Variants in PALD1 observed in about 807,000 individuals in gnomAD.
The protein encoded by PALD1 is phosphatase domain containing paladin 1, also known as paladin.
In PALD1, 57 loss-of-function variants were observed where a neutral mutation model predicts 96.0. The ratio of observed to expected loss-of-function variants is 0.59; its 90% confidence interval spans 0.48 to 0.74. The LOEUF is 0.74. Ranked by LOEUF, PALD1 falls within the 30% of genes least tolerant of loss-of-function variation. PALD1 has a pLI of 0.00. For missense variants in PALD1, 1,063 were observed against 1,143.7 expected (o/e 0.93, Z 1.02); for synonymous variants, 464 against 473.6 (o/e 0.98, Z 0.26).
intron 1 of PALD1, among the ~76,000 whole-genome samples, chr10:70,502,259 CAT>C (rs1448225993): frequency 6.6e-6 from 1 of 152,182 alleles, no homozygotes; most frequent in Non-Finnish European, 1.5e-5. Context: ...TAAATGGAAT[CAT>C]GTAGTATTTG....
chr10:70,501,873 A>C (rs192043048), intron 1 of PALD1, among the ~76,000 whole-genome samples: 2 of 144,454 alleles, frequency 1.4e-5, no homozygotes, highest in Admixed American at 7.1e-5. Flanking sequence ...GCACATTTGT[A>C]TACAAGAGGC....
chr10:70,512,536 T>C (rs1846534194), intron 1 of PALD1, among the ~76,000 whole-genome samples: 1 of 152,218 alleles, frequency 6.6e-6, no homozygotes, highest in African/African-American at 2.4e-5. Context: ...GACCTCTTCT[T>C]AGTGTGGTCA....
At position 70,539,852 on chromosome 10, in the gene PALD1, AC is replaced by A; in HGVS notation, c.1908+94del. On this transcript the variant is annotated intron_variant, in intron 15 of 19. Transcript: ENST00000263563. The surrounding 1 kb of genome is among the most constrained non-coding windows in gnomAD (Gnocchi z 4.5). ...GTCTGGGCTCTGGGAGAATGAAACG[AC>A]CCCAGCTTCTCTACGGGGCCCGGGA... The A allele has an allele frequency of 8.5e-7, 1 of 1,172,874 alleles. No individual in the cohort carries two copies. Among genetic ancestry groups the A allele is most frequent in the Non-Finnish European group, 1.2e-6 (1 of 832,046 alleles). The allele number at this position is 1,172,874 out of a possible 1,614,324, so 72.7% of individuals were successfully genotyped here. A position where few individuals can be genotyped will look rare whatever the true frequency, so the allele number is the denominator to read the frequency against.
At chr10:70,517,123 A>G (rs1006647033) in intron 1 of PALD1, among the ~76,000 whole-genome samples, 19 of 152,154 alleles carry the variant, frequency 1.2e-4, no homozygotes, top group African/African-American at 3.9e-4. Flanking sequence ...CAACTACCCC[A>G]TGAAGGAGGT....
At chr10:70,464,751 G>A in the PALD1 span, among the ~76,000 whole-genome samples, 46 of 148,350 alleles carry the variant, frequency 3.1e-4, 1 homozygote, top group South Asian at 9.9e-3. Flanking sequence ...TCAGCCTCCC[G>A]AGCAGCTGGT....
intron 1 of PALD1, among the ~76,000 whole-genome samples, chr10:70,496,939 A>G (rs1231652949): frequency 2.6e-5 from 4 of 151,712 alleles, no homozygotes; most frequent in Admixed American, 2.6e-4. Flanking sequence ...ACAACCTCCC[A>G]CTCCCAGCTG....
Position 70,534,750 on chromosome 10 carries a change from C to T in PALD1, c.1134C>T (p.Ala378=), listed in dbSNP as rs1433932905. The T allele has an allele frequency of 1.2e-6, 2 of 1,608,962 alleles. No individual in the cohort carries two copies. Among genetic ancestry groups the T allele is most frequent in the Admixed American group, 1.7e-5 (1 of 59,590 alleles). ...GTCTCTGGCACCAGGTGGACAGAGC[C>T]ATCACTGCCTGTGCCGAGTTGCATG... ...GRRMVEEVDR[A]ITACAELHDL... Residue 378 remains alanine (A), a synonymous_variant, in exon 10 of 20, where the codon GCC becomes GCT. Transcript: ENST00000263563.
chr10:70,535,520 T>TTCCTCCTTCCTCCTCTTCTTTCCTCC, intron 10 of PALD1, among the ~76,000 whole-genome samples: 1 of 136,376 alleles, frequency 7.3e-6, no homozygotes, highest in Non-Finnish European at 1.6e-5. Context: ...TCTCCGCCTC[T>TTCCTCCTTCCTCCTCTTCTTTCCTCC]TCCTCCTTCC....
rs1185708050 is a variant in PALD1, at chr10:70,511,895, CG to C, written c.-29-14025del. 2.0e-5 allele frequency among the ~76,000 whole-genome samples: 3 copies of C among 151,834 alleles called. No homozygotes were observed. The East Asian group carries it at 5.8e-4, about 29-fold the overall frequency. On this transcript the variant is annotated intron_variant, in intron 1 of 19. Transcript: ENST00000263563. ...TACAAAAATTAGCCGGGTGTGGTGG[CG>C]GGTGCCTGTAGTCCCAGCTACTCGG...
chr10:70,482,533 C>T (rs533690339), intron 1 of PALD1, among the ~76,000 whole-genome samples: 13 of 152,248 alleles, frequency 8.5e-5, no homozygotes, highest in South Asian at 2.1e-4. Context: ...GGCTGGGACC[C>T]GGGGAAAGAG....
chr10:70,520,956 T>G (rs945936943), intron 1 of PALD1, among the ~76,000 whole-genome samples: 2 of 152,060 alleles, frequency 1.3e-5, no homozygotes, highest in Non-Finnish European at 2.9e-5. Flanking sequence ...CCTCCCAAAA[T>G]GCTGGGATTA....
chr10:70,537,489 C>G (rs533425391), intron 10 of PALD1, among the ~76,000 whole-genome samples: 4 of 152,226 alleles, frequency 2.6e-5, no homozygotes, highest in African/African-American at 9.6e-5. Flanking sequence ...CAACCCTGAC[C>G]TGTTGGGTGT....
chr10:70,480,400 C>T (rs1845909505), intron 1 of PALD1, among the ~76,000 whole-genome samples: 2 of 152,008 alleles, frequency 1.3e-5, no homozygotes, highest in South Asian at 2.1e-4. Flanking sequence ...TGGGGTAGGT[C>T]GGGAGGCTGG....
intron 1 of PALD1, among the ~76,000 whole-genome samples, chr10:70,514,217 C>T (rs1846575933): frequency 6.6e-6 from 1 of 152,184 alleles, no homozygotes; most frequent in South Asian, 2.1e-4. Flanking sequence ...AGGCCTCCTT[C>T]CTGCCAGGAC....
At chr10:70,533,798 T>C (rs538288427) in intron 7 of PALD1, 124 bp from the exon 8 acceptor site, 10 of 861,984 alleles carry the variant, frequency 1.2e-5, no homozygotes, top group Non-Finnish European at 1.7e-5. Flanking sequence ...AAGACACCTA[T>C]TGGAGCCCAC....
chr10:70,526,082 AT>A lies in PALD1; in HGVS notation c.132del (p.His44GlnfsTer17). 1 of 1,614,228 alleles carries A rather than the reference AT, an allele frequency of 6.2e-7. No homozygotes were observed. The highest frequency in any genetic ancestry group is 8.5e-7 in the Non-Finnish European group (1 of 1,180,032). On this transcript the variant is annotated frameshift_variant, in exon 2 of 20. Coordinates refer to ENST00000263563, the MANE Select transcript of PALD1 (RefSeq NM_014431.3). LOFTEE classifies it high-confidence loss of function. Reference protein sequence around the residue: ...SIHSFQSTSLHNSKAKSIIPN... With the variant: ...SIHSFQSTSLXNSKAKSIIPN... ...CACTCCTTCCAGAGCACTAGCTTGC[AT>A]AACAGCAAGGCCAAGTCCATCATCC...
intron 1 of PALD1, among the ~76,000 whole-genome samples, chr10:70,517,130 A>G (rs188245564): frequency 2.0e-3 from 308 of 152,218 alleles, no homozygotes; most frequent in Non-Finnish European, 2.5e-3. Context: ...CCCATGAAGG[A>G]GGTGCTACTG....
Position 70,547,434 on chromosome 10 carries a change from C to A in PALD1, c.2250C>A (p.Cys750Ter). 1 of 1,607,580 alleles carries A rather than the reference C, an allele frequency of 6.2e-7. No homozygotes were observed. The highest frequency in any genetic ancestry group is 8.5e-7 in the Non-Finnish European group (1 of 1,177,504). Reference protein sequence around the residue: ...MHYHLREIIICTYRQAKAAKE... With the variant: ...MHYHLREIII ...ACCACCTGCGGGAGATCATCATCTG[C>A]ACCTACCGCCAGGTGAGCCCCCACC... is the stretch of plus-strand genomic sequence containing the variant. The change falls in exon 18 of 20, where the codon TGC becomes TGA. Residue 750 changes from cysteine to a stop codon, truncating the protein, a stop_gained. Transcript: ENST00000263563. LOFTEE classifies it high-confidence loss of function.
the PALD1 span, among the ~76,000 whole-genome samples, chr10:70,465,840 T>C: frequency 6.6e-6 from 1 of 152,180 alleles, no homozygotes. Context: ...GTCTTCTGCT[T>C]TGAACCCCTG....
Sources: gnomAD v4.1 joint callset for allele counts (sites outside exome capture counted in the v4.1 genomes callset) on GRCh38, gnomAD v4.1.1 for gene constraint, Gnocchi (gnomAD v3.1) non-coding constraint, MANE v1.5 for transcripts, NCBI Gene and HGNC (gene_info 2026-07-23, HGNC 2026-07-21) for gene names.